MAP3K13: variants seen among roughly 807,000 people sequenced by gnomAD.
MAP3K13 encodes the protein leucine zipper-bearing kinase.
MAP3K13 carries 52 observed loss-of-function variants against 104.0 expected under a neutral mutation model. The ratio of observed to expected loss-of-function variants is 0.50; its 90% CI spans 0.40 to 0.63. MAP3K13 has a LOEUF of 0.63. Among genes scored for constraint, MAP3K13 ranks in the 20% least tolerant of loss-of-function variants. The pLI, the probability that MAP3K13 is intolerant of heterozygous loss-of-function variation, is 0.00. For synonymous variants in MAP3K13, 394 were observed against 442.2 expected (o/e 0.89, Z 1.37); for missense variants, 914 against 1,218.5 (o/e 0.75, Z 3.72).
intron 2 of MAP3K13, among the ~76,000 whole-genome samples, chr3:185,321,510 A>C (rs1420554820): frequency 6.6e-6 from 1 of 152,068 alleles, no homozygotes; most frequent in East Asian, 1.9e-4. Context: ...TTTTTTCATT[A>C]TTTTTCTCCT....
chr3:185,427,198 CAA>C (rs58646071), intron 1 of MAP3K13, among the ~76,000 whole-genome samples: 187 of 127,112 alleles, frequency 1.5e-3, no homozygotes, highest in African/African-American at 4.2e-3. Context: ...ACTAAAAATA[CAA>C]AAAAAAAAAA....
intron 2 of MAP3K13, among the ~76,000 whole-genome samples, chr3:185,431,658 C>T (rs962269762): frequency 1.5e-4 from 23 of 152,252 alleles, no homozygotes; most frequent in African/African-American, 5.3e-4. Flanking sequence ...CTCTGGGACC[C>T]TCCCCTAAAA....
intron 1 of MAP3K13, among the ~76,000 whole-genome samples, chr3:185,420,401 G>T (rs990954645): frequency 5.3e-5 from 8 of 152,156 alleles, no homozygotes; most frequent in Admixed American, 4.6e-4. Context: ...CTCTATCCTG[G>T]AAAGATCATT....
chr3:185,469,219 A>G (rs1317945346), intron 10 of MAP3K13, among the ~76,000 whole-genome samples: 2 of 152,240 alleles, frequency 1.3e-5, no homozygotes, highest in Non-Finnish European at 2.9e-5. Flanking sequence ...ATGTTTAGTT[A>G]GAGACTAAAA....
rs1718821916 is a variant in MAP3K13, at chr3:185,488,336, A to C, written c.*5880A>C. 6.6e-6 allele frequency: 1 copy of C among 152,162 alleles called. No individual in the cohort carries two copies. The highest frequency in any genetic ancestry group is 2.4e-5 in the African/African-American group (1 of 41,440). The allele number at this position is 152,162 out of a possible 1,614,324, so 9.4% of individuals were successfully genotyped here. ...CAGTGTCCCACCCTCACAGACTGGC[A>C]CATTAGAATCATATTAATCTGCTTG... On this transcript the variant is annotated 3_prime_UTR_variant, in exon 14 of 14. Transcript: ENST00000265026.
In MAP3K13 at chr3:185,443,524, G is replaced by A. The variant is rs1326220787; in HGVS notation, c.739G>A (p.Ala247Thr). 2.4e-5 allele frequency: 39 copies of A among 1,614,150 alleles called. No homozygotes were observed. The highest frequency in any genetic ancestry group is 3.3e-5 in the Non-Finnish European group (39 of 1,180,014). ...TGGACAACTCTACGAGGTCTTACGAGCTGGCAGGAAGATCACACCTCGATT... is the reference window on the plus strand; with the variant it reads ...TGGACAACTCTACGAGGTCTTACGAACTGGCAGGAAGATCACACCTCGATT... ...AHGQLYEVLR[A>T]GRKITPRLLV... Residue 247 changes from alanine to threonine, a missense_variant, in exon 4 of 14, where the codon GCT (alanine) becomes ACT (threonine). Physicochemically the swap from Ala to Thr is moderately conservative, Grantham distance 58 (BLOSUM62 0). Around this residue, in one of 3 missense-constraint regions of MAP3K13, gnomAD observed 175 missense variants for 321.3 expected, o/e 0.54. Coordinates refer to ENST00000265026, the MANE Select transcript of MAP3K13 (RefSeq NM_004721.5).
rs2148934958 is a variant in MAP3K13, at chr3:185,485,921, G to A, written c.*3465G>A. The stretch of plus-strand genomic sequence containing the variant: ...TAAGAAGGAGGCCTGGTCACTTAGA[G>A]GACCAACGACTGGAAAAAAATTCTT... On this transcript the variant is annotated 3_prime_UTR_variant, in exon 14 of 14. Transcript: ENST00000265026. 6.6e-6 allele frequency: 1 copy of A among 152,242 alleles called. No individual in the cohort carries two copies. Among genetic ancestry groups the A allele is most frequent in the Non-Finnish European group, 1.5e-5 (1 of 68,022 alleles). The allele number at this position is 152,242 out of a possible 1,614,324, so 9.4% of individuals were successfully genotyped here.
At chr3:185,324,074 G>C (rs1056909097) in intron 2 of MAP3K13, among the ~76,000 whole-genome samples, 4 of 152,016 alleles carry the variant, frequency 2.6e-5, no homozygotes, top group Non-Finnish European at 5.9e-5. Flanking sequence ...GCAGTGGTGC[G>C]ATCTCAGCTC....
intron 2 of MAP3K13, among the ~76,000 whole-genome samples, chr3:185,310,095 G>A (rs1445431959): frequency 2.0e-5 from 3 of 152,180 alleles, no homozygotes; most frequent in African/African-American, 7.2e-5. Context: ...GATTGGAGCA[G>A]GAACACTGAG....
Position 185,363,165 on chromosome 3 carries a change from G to A in MAP3K13, c.-289G>A, listed in dbSNP as rs1048043403. On this transcript the variant is annotated 5_prime_UTR_variant, in exon 1 of 14. Transcript: ENST00000265026. ...CACACACCACAGCGAAGTCTGTGCG[G>A]AATCCTAAACCAGCCCAATTTACAT... is the stretch of plus-strand genomic sequence containing the variant. The A allele has an allele frequency of 1.0e-6, 1 of 985,106 alleles. No homozygotes were observed. 61.0% of individuals were successfully genotyped at this position (985,106 alleles called of 1,614,324 possible).
At chr3:185,398,844 C>T (rs1424667339) in intron 1 of MAP3K13, among the ~76,000 whole-genome samples, 2 of 152,200 alleles carry the variant, frequency 1.3e-5, no homozygotes, top group Non-Finnish European at 2.9e-5. Context: ...CTCTGATATC[C>T]ATGGAAATAA....
At chr3:185,465,586 T>C (rs1220898480) in intron 8 of MAP3K13, among the ~76,000 whole-genome samples, 161 bp from the exon 9 acceptor site, 1 of 152,178 alleles carries the variant, frequency 6.6e-6, no homozygotes, top group Non-Finnish European at 1.5e-5. Context: ...CCACCTCCCG[T>C]TCCATTTTGT....
intron 4 of MAP3K13, among the ~76,000 whole-genome samples, chr3:185,446,258 A>ATTT (rs72309263): frequency 5.7e-4 from 81 of 141,040 alleles, no homozygotes; most frequent in African/African-American, 2.0e-3. Context: ...GCCTCTTATC[A>ATTT]TTTTTTTTTT....
intron 2 of MAP3K13, chr3:185,292,984 G>A: frequency 2.0e-6 from 2 of 984,880 alleles, no homozygotes; most frequent in Non-Finnish European, 2.4e-6. Flanking sequence ...CACGTGGTAA[G>A]AATAAAAAAT....
rs185727317 is a variant in MAP3K13, at chr3:185,317,957, A to T, written c.-86+32314A>T. ...CCAGCAAGGTCATTCACCCATTAAA[A>T]CTTTAAAGAAAAAAAAAAAAGCGAA... is the stretch of plus-strand genomic sequence containing the variant. On this transcript the variant is annotated intron_variant, in intron 2 of 14. Transcript: ENST00000424227. Among the ~76,000 whole-genome samples the T allele has an allele frequency of 5.4e-3, 827 of 151,828 alleles. 8 individuals carry two copies. Among genetic ancestry groups the T allele is most frequent in the South Asian group, 0.011 (51 of 4,794 alleles).
At chr3:185,367,762 T>C (rs1402866776) in intron 1 of MAP3K13, among the ~76,000 whole-genome samples, 1 of 152,086 alleles carries the variant, frequency 6.6e-6, no homozygotes, top group African/African-American at 2.4e-5. Flanking sequence ...TAGCTGGCTA[T>C]TTCTTAAATT....
At chr3:185,344,755 G>A (rs1374877102) in intron 2 of MAP3K13, among the ~76,000 whole-genome samples, 4 of 152,302 alleles carry the variant, frequency 2.6e-5, no homozygotes, top group Middle Eastern at 3.4e-3. Context: ...GTTTCCCACA[G>A]TGGCTGTTGA....
intron 7 of MAP3K13, among the ~76,000 whole-genome samples, chr3:185,455,420 T>TG (rs1450498265): frequency 1.6e-5 from 1 of 62,994 alleles, no homozygotes; most frequent in African/African-American, 4.6e-5. Flanking sequence ...ATGAGATATA[T>TG]ATGATATATA....
At chr3:185,383,711 G>T (rs12163582) in intron 1 of MAP3K13, among the ~76,000 whole-genome samples, 39,005 of 152,004 alleles carry the variant, frequency 0.26, 5,154 homozygotes, top group Admixed American at 0.3. Context: ...CTTCTAGCCA[G>T]CAGAATCATG....
Sources: allele counts gnomAD v4.1 joint callset (sites outside exome capture counted in the v4.1 genomes callset), GRCh38; gene constraint gnomAD v4.1.1; regional missense constraint gnomAD v4.1.1; transcripts MANE v1.5; gene names NCBI Gene and HGNC (gene_info 2026-07-23, HGNC 2026-07-21).